DLG2: variants seen among roughly 807,000 people sequenced by gnomAD.
The protein encoded by DLG2 is discs large MAGUK scaffold protein 2, also known as disks large homolog 2.
Under a neutral mutation model 132.5 loss-of-function variants are expected in DLG2, and 45 were observed. The ratio of observed to expected loss-of-function variants is 0.34; its 90% CI spans 0.27 to 0.44. The LOEUF (loss-of-function observed/expected upper bound fraction) is 0.44. DLG2 is among the 20% of genes least tolerant of loss of function. The probability of loss-of-function intolerance (pLI) is 1.00; values close to 1 mark genes in which losing one functional copy is unlikely to be tolerated. For missense variants in DLG2, 1,045 were observed against 1,196.9 expected, an observed-to-expected ratio of 0.87 and a Z score of 1.87; for synonymous variants, 424 against 419.6, an observed-to-expected ratio of 1.01 and a Z score of -0.13.
chr11:84,294,718 T>A (rs1400331962), intron 7 of DLG2, among the ~76,000 whole-genome samples: 1 of 152,214 alleles, frequency 6.6e-6, no homozygotes, highest in Non-Finnish European at 1.5e-5. Context: ...ATGAACGTTA[T>A]CTTCTGTGTT....
intron 6 of DLG2, among the ~76,000 whole-genome samples, chr11:84,642,698 C>T (rs2099669198): frequency 6.6e-6 from 1 of 152,118 alleles, no homozygotes; most frequent in Non-Finnish European, 1.5e-5. Flanking sequence ...AGAGGTTCCC[C>T]ACTCTACATG....
chr11:85,261,014 G>A (rs2076911261), intron 4 of DLG2, among the ~76,000 whole-genome samples: 1 of 152,154 alleles, frequency 6.6e-6, no homozygotes, highest in Admixed American at 6.5e-5. Flanking sequence ...CCTTTTGGAG[G>A]ATGTCATGGG....
intron 7 of DLG2, among the ~76,000 whole-genome samples, chr11:84,338,584 G>T (rs1041950887): frequency 6.6e-6 from 1 of 152,086 alleles, no homozygotes; most frequent in Non-Finnish European, 1.5e-5. Flanking sequence ...CAGCACTTTG[G>T]GAGGCCAAGG....
intron 7 of DLG2, among the ~76,000 whole-genome samples, chr11:84,474,646 T>C (rs1401815346): frequency 1.3e-5 from 2 of 152,092 alleles, no homozygotes; most frequent in African/African-American, 4.8e-5. Flanking sequence ...AGCCAATTGG[T>C]AGCAGATTCT....
rs112409848 is a variant in DLG2, at chr11:83,817,570, T to C, written c.1722+16044A>G. 8.1e-3 allele frequency among the ~76,000 whole-genome samples: 1,228 copies of C among 152,286 alleles called. 15 individuals are homozygous for C. The highest frequency in any genetic ancestry group is 0.028 in the African/African-American group (1,177 of 41,558). ...ATTTTAATTTCTGATTTTAAAACTT[T>C]TATTATTTAAAGGGAAGTCTTAGGC... On this transcript the variant is annotated intron_variant, in intron 17 of 27. Transcript: ENST00000376104.
At chr11:84,079,987 G>C (rs189296995) in intron 10 of DLG2, among the ~76,000 whole-genome samples, 3 of 152,308 alleles carry the variant, frequency 2.0e-5, no homozygotes, top group East Asian at 1.9e-4. Context: ...TCTTAGGCTA[G>C]ATTAGGTCAT....
At position 84,515,601 on chromosome 11, in the gene DLG2, G is replaced by C. The variant is rs572981914; in HGVS notation, c.519+18969C>G. ...TAAACATATAACATAAATATGGATA[G>C]ATCTGAATGGAGAGCCAGACTAAAA... On this transcript the variant is annotated intron_variant, in intron 7 of 27. Coordinates refer to ENST00000376104, the MANE Select transcript of DLG2 (RefSeq NM_001142699.3). Among the ~76,000 whole-genome samples the C allele has an allele frequency of 1.8e-4, 28 of 151,876 alleles. 1 individual carries two copies. Among genetic ancestry groups the C allele is most frequent in the African/African-American group, 6.5e-4 (27 of 41,504 alleles).
intron 3 of DLG2, among the ~76,000 whole-genome samples, chr11:85,314,159 A>G (rs1392102421): frequency 6.6e-6 from 1 of 152,028 alleles, no homozygotes; most frequent in Non-Finnish European, 1.5e-5. Context: ...GCTAAGCAAC[A>G]TGACAGCTAC....
chr11:84,459,616 C>T (rs756114139), intron 7 of DLG2, among the ~76,000 whole-genome samples: 9 of 150,382 alleles, frequency 6.0e-5, no homozygotes, highest in South Asian at 2.1e-4. Flanking sequence ...TTAAGTTGAA[C>T]GACATTTGAC....
intron 11 of DLG2, among the ~76,000 whole-genome samples, chr11:83,999,729 C>T (rs549645081): frequency 4.8e-4 from 73 of 152,180 alleles, no homozygotes; most frequent in Middle Eastern, 3.4e-3. Context: ...CTGTACACCA[C>T]CAAGGAAATC....
chr11:83,621,748 C>T (rs544167371), intron 19 of DLG2, among the ~76,000 whole-genome samples: 1 of 152,172 alleles, frequency 6.6e-6, no homozygotes, highest in Admixed American at 6.5e-5. Context: ...TGTTTCTTAC[C>T]TCTACTATAC....
At chr11:85,522,784 G>A (rs1208841203) in intron 3 of DLG2, among the ~76,000 whole-genome samples, 1 of 152,180 alleles carries the variant, frequency 6.6e-6, no homozygotes, top group Non-Finnish European at 1.5e-5. Flanking sequence ...CATTCGGAAT[G>A]GGTGGATTTA....
intron 16 of DLG2, among the ~76,000 whole-genome samples, chr11:83,849,969 G>A (rs905653579): frequency 2.6e-5 from 4 of 152,036 alleles, no homozygotes; most frequent in Admixed American, 2.0e-4. Context: ...GGGTTTCAAG[G>A]TAAATACACT....
At chr11:83,921,837 T>C (rs1326335505) in intron 15 of DLG2, among the ~76,000 whole-genome samples, 1 of 132,746 alleles carries the variant, frequency 7.5e-6, no homozygotes, top group East Asian at 2.6e-4. Flanking sequence ...ATAGAGATAT[T>C]ATCTCACTTT....
At chr11:84,358,217 C>A (rs1480896146) in intron 7 of DLG2, among the ~76,000 whole-genome samples, 2 of 151,860 alleles carry the variant, frequency 1.3e-5, no homozygotes, top group Non-Finnish European at 2.9e-5. Context: ...TTTGCAGTGG[C>A]CTTGATAAAA....
intron 4 of DLG2, among the ~76,000 whole-genome samples, chr11:85,243,350 C>A (rs1185291284): frequency 6.6e-6 from 1 of 151,942 alleles, no homozygotes; most frequent in Non-Finnish European, 1.5e-5. Context: ...TTCAGAGATT[C>A]TATTTCATTC....
At chr11:83,635,092 C>T (rs2064442260) in intron 18 of DLG2, among the ~76,000 whole-genome samples, 1 of 152,072 alleles carries the variant, frequency 6.6e-6, no homozygotes, top group South Asian at 2.1e-4. Context: ...ATACTGTATG[C>T]AGGCCAGGTG....
intron 16 of DLG2, among the ~76,000 whole-genome samples, chr11:83,873,444 T>C (rs529407948): frequency 1.1e-4 from 17 of 152,146 alleles, no homozygotes; most frequent in Non-Finnish European, 2.4e-4. Flanking sequence ...ATAAGTCTCA[T>C]GAGATCTGAT....
rs1420275321 is a variant in DLG2 at position 84,371,787 on chromosome 11, C to T, written c.520-120496G>A. Among the ~76,000 whole-genome samples, 8 of 152,162 alleles carry T rather than the reference C, an allele frequency of 5.3e-5. No homozygotes were observed. In the East Asian group the frequency reaches 7.7e-4, roughly 15 times the overall value. On this transcript the variant is annotated intron_variant, in intron 7 of 27. Transcript: ENST00000376104. ...TCTACTTTTAGAAAACTTTTGTAAACGTACTTTAAATTTCTATGAGAAAAT... is the reference window on the plus strand; with the variant it reads ...TCTACTTTTAGAAAACTTTTGTAAATGTACTTTAAATTTCTATGAGAAAAT...
Sources: gnomAD v4.1 joint callset for allele counts (sites outside exome capture counted in the v4.1 genomes callset) on GRCh38, gnomAD v4.1.1 for gene constraint, MANE v1.5 for transcripts, NCBI Gene and HGNC (gene_info 2026-07-23, HGNC 2026-07-21) for gene names.